ASIC2: variants seen among roughly 807,000 people sequenced by gnomAD.
The protein encoded by ASIC2 is acid-sensing ion channel 2.
Under a neutral mutation model 57.3 loss-of-function variants are expected in ASIC2, and 25 were observed. That is an observed-to-expected ratio of 0.44 (90% CI 0.32 to 0.61). ASIC2 has a LOEUF of 0.61. Ranked by LOEUF, ASIC2 falls within the 20% of genes least tolerant of loss-of-function variation. The pLI, the probability that ASIC2 is intolerant of heterozygous loss-of-function variation, is 0.06. For missense variants in ASIC2, 641 were observed against 738.1 expected (o/e 0.87, Z 1.52); for synonymous variants, 319 against 307.5 (o/e 1.04, Z -0.39).
At chr17:33,796,208 C>T (rs554392237) in intron 1 of ASIC2, among the ~76,000 whole-genome samples, 3 of 152,144 alleles carry the variant, frequency 2.0e-5, no homozygotes, top group African/African-American at 7.2e-5. Context: ...AGAAAATTCT[C>T]AGTTGAGTTC....
intron 1 of ASIC2, among the ~76,000 whole-genome samples, chr17:33,603,547 G>A (rs1012633773): frequency 6.6e-6 from 1 of 152,154 alleles, no homozygotes; most frequent in Admixed American, 6.5e-5. Flanking sequence ...AGACAAGAGA[G>A]AAATAAATGC....
At chr17:33,738,124 T>C (rs1286861546) in intron 1 of ASIC2, among the ~76,000 whole-genome samples, 2 of 152,182 alleles carry the variant, frequency 1.3e-5, no homozygotes, top group African/African-American at 2.4e-5. Context: ...TTGCATTTTG[T>C]GACACACCAG....
At chr17:33,232,725 C>A (rs951631424) in intron 1 of ASIC2, among the ~76,000 whole-genome samples, 1 of 152,118 alleles carries the variant, frequency 6.6e-6, no homozygotes, top group Non-Finnish European at 1.5e-5. Flanking sequence ...TCTTTTTCAG[C>A]CAAAAAGTCT....
chr17:33,269,613 CCCTTCCTTCCTTCCTTCCTTCCTT>C (rs1162850257), intron 1 of ASIC2, among the ~76,000 whole-genome samples: 46 of 73,422 alleles, frequency 6.3e-4, no homozygotes, highest in South Asian at 9.2e-4. Flanking sequence ...AGGGCTCCTT[CCCTTCCTTCCTTCCTTCCTTCCTT>C]CCTTCCTTCC....
intron 1 of ASIC2, among the ~76,000 whole-genome samples, chr17:33,740,673 A>T (rs1910082904): frequency 1.3e-5 from 2 of 152,178 alleles, no homozygotes; most frequent in African/African-American, 4.8e-5. Flanking sequence ...CTGGAAACAG[A>T]CCTTCTCCTC....
At chr17:33,069,342 T>C (rs1045526702) in intron 3 of ASIC2, among the ~76,000 whole-genome samples, 11 of 152,188 alleles carry the variant, frequency 7.2e-5, no homozygotes, top group Non-Finnish European at 1.3e-4. Flanking sequence ...TAAGCCATCA[T>C]TGGGTCAACT....
intron 1 of ASIC2, among the ~76,000 whole-genome samples, chr17:33,597,739 C>T (rs565473268): frequency 2.6e-5 from 4 of 152,210 alleles, no homozygotes; most frequent in East Asian, 1.9e-4. Context: ...GGTGAGAACA[C>T]GAAGCTCCAG....
intron 1 of ASIC2, among the ~76,000 whole-genome samples, chr17:33,998,989 T>C (rs1453388339): frequency 6.6e-6 from 1 of 152,126 alleles, no homozygotes; most frequent in Non-Finnish European, 1.5e-5. Flanking sequence ...AATGTTGTTG[T>C]CTGTTTTACC....
rs201411773 is a variant in ASIC2, at chr17:33,493,250, G to A, written c.556-381183C>T. Among the ~76,000 whole-genome samples, 4 of 152,214 alleles carry A rather than the reference G, an allele frequency of 2.6e-5. No homozygotes were observed. In the East Asian group the frequency reaches 7.7e-4, roughly 29 times the overall value. ...CTTCACCTTTGCTCTGTACTGGGCTGTACATCCTCAGAGGGGAATGTAGCC... is the reference window on the plus strand; with the variant it reads ...CTTCACCTTTGCTCTGTACTGGGCTATACATCCTCAGAGGGGAATGTAGCC... On this transcript the variant is annotated intron_variant, in intron 1 of 9. Coordinates refer to the ASIC2 transcript ENST00000359872.
chr17:33,190,856 A>G (rs1906387694), intron 1 of ASIC2, among the ~76,000 whole-genome samples: 3 of 152,332 alleles, frequency 2.0e-5, no homozygotes, highest in Middle Eastern at 3.4e-3. Flanking sequence ...AGCATTTAGA[A>G]CTTTTGCACA....
intron 1 of ASIC2, among the ~76,000 whole-genome samples, chr17:33,880,018 C>A (rs1475235597): frequency 1.3e-5 from 2 of 151,968 alleles, no homozygotes; most frequent in Non-Finnish European, 2.9e-5. Context: ...GGGTACATAA[C>A]GAAATGAAGG....
chr17:33,154,658 C>T lies in ASIC2; in HGVS notation c.709-42591G>A, dbSNP rs537629122. On this transcript the variant is annotated intron_variant, in intron 1 of 9. Coordinates refer to ENST00000225823, the MANE Select transcript of ASIC2 (RefSeq NM_183377.2). ...ACCAGGCCTCTTTGGTTTTAAGACA[C>T]GCACCTTGGCCGTGTGTTCCAAACA... 5.3e-5 allele frequency among the ~76,000 whole-genome samples: 8 copies of T among 152,298 alleles called. No homozygotes were observed. The East Asian group carries it at 5.8e-4, about 11-fold the overall frequency.
chr17:33,562,927 G>A (rs1330769998), intron 1 of ASIC2, among the ~76,000 whole-genome samples: 1 of 152,174 alleles, frequency 6.6e-6, no homozygotes, highest in Non-Finnish European at 1.5e-5. Flanking sequence ...CACTCCCTTA[G>A]TATTTAGGCA....
intron 1 of ASIC2, among the ~76,000 whole-genome samples, chr17:33,233,823 C>T (rs1339579783): frequency 6.6e-6 from 1 of 152,194 alleles, no homozygotes; most frequent in African/African-American, 2.4e-5. Flanking sequence ...CAGATACACA[C>T]ACTTATTTTA....
chr17:33,170,449 G>A (rs1267386858), intron 1 of ASIC2, among the ~76,000 whole-genome samples: 9 of 152,122 alleles, frequency 5.9e-5, no homozygotes, highest in African/African-American at 2.2e-4. Context: ...AAAGGCACAA[G>A]TAGGAAAAAA....
rs77482958 is a variant in ASIC2, at chr17:33,132,360, A to G, written c.709-20293T>C. 7.2e-5 allele frequency among the ~76,000 whole-genome samples: 11 copies of G among 152,250 alleles called. No individual in the cohort carries two copies. In the East Asian group the frequency reaches 2.1e-3, roughly 29 times the overall value. On this transcript the variant is annotated intron_variant, in intron 1 of 9. Transcript: ENST00000225823. ...TTACAAAGGCTGTCATGATGTTAAG[A>G]AATAAAACCGGTTAAGTGTTTAGAA...
chr17:33,223,252 G>T (rs113395620), intron 1 of ASIC2, among the ~76,000 whole-genome samples: 4 of 151,362 alleles, frequency 2.6e-5, no homozygotes, highest in African/African-American at 9.7e-5. Flanking sequence ...GCGTGATCTC[G>T]GCTCACTGCA....
chr17:34,156,001 A>T lies in ASIC2; in HGVS notation c.532T>A (p.Cys178Ser). ...ACTGTGGTGAAGTCTTGGTGGCCGC[A>T]CTCCTGCCCTTTGAACTTGCAGTAG... Residue 178 changes from cysteine to serine, a missense_variant, in exon 1 of 10, where the codon TGC becomes AGC. Transcript: ENST00000359872. The surrounding 1 kb of genome is among the most constrained non-coding windows in gnomAD (Gnocchi z 4.4). 6.2e-7 allele frequency: 1 copy of T among 1,609,196 alleles called. No homozygotes were observed.
chr17:33,220,530 C>T (rs1907650807), intron 1 of ASIC2, among the ~76,000 whole-genome samples: 1 of 152,180 alleles, frequency 6.6e-6, no homozygotes. Context: ...ACTATTATAG[C>T]ATCTGTATGA....
Sources: allele counts gnomAD v4.1 joint callset (sites outside exome capture counted in the v4.1 genomes callset), GRCh38; gene constraint gnomAD v4.1.1; non-coding constraint Gnocchi (gnomAD v3.1); transcripts MANE v1.5; gene names NCBI Gene and HGNC (gene_info 2026-07-23, HGNC 2026-07-21).